GAS2: variants seen among roughly 807,000 people sequenced by gnomAD.
GAS2 encodes the protein growth arrest-specific protein 2.
A neutral mutation model predicts 37.5 loss-of-function variants in GAS2; 20 were observed. The observed-to-expected ratio is 0.53, with a 90% CI of 0.37 to 0.77. The LOEUF (loss-of-function observed/expected upper bound fraction) is 0.77. Ranked by LOEUF, GAS2 falls within the 30% of genes least tolerant of loss-of-function variation. The probability of loss-of-function intolerance (pLI) is 0.00; values close to 1 mark genes in which losing one functional copy is unlikely to be tolerated. For synonymous variants in GAS2, 144 were observed against 132.2 expected (o/e 1.09, Z -0.61); for missense variants, 336 against 373.4 (o/e 0.90, Z 0.82).
chr11:22,666,148 C>CT (rs1848981961), upstream of GAS2, among the ~76,000 whole-genome samples: 1 of 152,178 alleles, frequency 6.6e-6, no homozygotes, highest in Admixed American at 6.5e-5. Context: ...ACAATTGTCT[C>CT]TGACATTCAA....
chr11:22,638,353 T>A (rs1462605057), intron 1 of GAS2, among the ~76,000 whole-genome samples: 1 of 151,988 alleles, frequency 6.6e-6, no homozygotes, highest in Non-Finnish European at 1.5e-5. Flanking sequence ...TACAATTTTT[T>A]TTTTTTTTTT....
chr11:22,722,991 T>C (rs998097139), intron 3 of GAS2, among the ~76,000 whole-genome samples: 1 of 151,928 alleles, frequency 6.6e-6, no homozygotes, highest in African/African-American at 2.4e-5. Flanking sequence ...GAAGGTTCTC[T>C]TTTAAATTCT....
At chr11:22,769,894 A>T (rs1854886739) in intron 7 of GAS2, among the ~76,000 whole-genome samples, 1 of 152,210 alleles carries the variant, frequency 6.6e-6, no homozygotes, top group African/African-American at 2.4e-5. Context: ...GAGGGTAAAT[A>T]TTAGGTTGGT....
At position 22,726,364 on chromosome 11, in the gene GAS2, G is replaced by A. The variant is rs1852215730; in HGVS notation, c.340G>A (p.Ala114Thr). The A allele has an allele frequency of 4.3e-6, 7 of 1,612,690 alleles. No individual in the cohort carries two copies. Among genetic ancestry groups the A allele is most frequent in the Admixed American group, 1.7e-5 (1 of 59,784 alleles). Reference sequence around the variant, plus strand: ...CTCCTTTTTTGCCAGAGACAATACAGCAAATTTCTTATCCTGGTGCCGAGA... The same window carrying A: ...CTCCTTTTTTGCCAGAGACAATACAACAAATTTCTTATCCTGGTGCCGAGA... ...SGSFFARDNTANFLSWCRDLG... is the reference protein window; with the variant it reads ...SGSFFARDNTTNFLSWCRDLG... The change falls in exon 4 of 8, where the codon GCA (alanine) becomes ACA (threonine). Residue 114 changes from alanine to threonine, a missense_variant. Physicochemically the swap from Ala to Thr is moderately conservative, Grantham distance 58. Transcript: ENST00000454584.
intron 3 of GAS2, among the ~76,000 whole-genome samples, chr11:22,725,643 T>C (rs1852165486): frequency 6.6e-6 from 1 of 152,064 alleles, no homozygotes; most frequent in Admixed American, 6.6e-5. Context: ...CCCAGGTTAG[T>C]CACGAACTCC....
chr11:22,634,056 G>C (rs1369295066), intron 1 of GAS2, among the ~76,000 whole-genome samples: 1 of 152,152 alleles, frequency 6.6e-6, no homozygotes, highest in Non-Finnish European at 1.5e-5. Context: ...CCAAGACTGG[G>C]CAATTTATAA....
intron 7 of GAS2, among the ~76,000 whole-genome samples, chr11:22,769,989 C>A (rs1343338149): frequency 6.6e-6 from 1 of 152,130 alleles, no homozygotes; most frequent in Non-Finnish European, 1.5e-5. Context: ...GTGGTCATAT[C>A]CTTTGCAGGG....
intron 3 of GAS2, among the ~76,000 whole-genome samples, chr11:22,696,836 G>T (rs1850546109): frequency 6.6e-6 from 1 of 151,354 alleles, no homozygotes; most frequent in Non-Finnish European, 1.5e-5. Context: ...GTAGATTCTG[G>T]ATATTAGCCC....
intron 7 of GAS2, among the ~76,000 whole-genome samples, chr11:22,793,042 G>A (rs1032986700): frequency 1.3e-5 from 2 of 152,188 alleles, no homozygotes; most frequent in Non-Finnish European, 2.9e-5. Context: ...GAGAGGCCAA[G>A]GTGGGTGGAT....
chr11:22,645,508 T>A (rs569186681), intron 1 of GAS2, among the ~76,000 whole-genome samples: 16 of 149,942 alleles, frequency 1.1e-4, no homozygotes, highest in South Asian at 8.5e-4. Context: ...GTCTTAAAAA[T>A]ATATATATAT....
chr11:22,687,861 C>T (rs535412815), intron 3 of GAS2, among the ~76,000 whole-genome samples: 22 of 152,302 alleles, frequency 1.4e-4, no homozygotes, highest in African/African-American at 4.8e-4. Context: ...CTTCACATTA[C>T]GAAGTTCCTG....
At chr11:22,687,554 CA>C (rs1850026197) in intron 3 of GAS2, among the ~76,000 whole-genome samples, 1 of 152,094 alleles carries the variant, frequency 6.6e-6, no homozygotes. Flanking sequence ...AGTGACCAAG[CA>C]AGAATTTGAC....
At chr11:22,708,016 A>G (rs1276291585) in intron 3 of GAS2, among the ~76,000 whole-genome samples, 1 of 152,128 alleles carries the variant, frequency 6.6e-6, no homozygotes, top group Non-Finnish European at 1.5e-5. Context: ...TGAGTGTGTC[A>G]ATATTTTATT....
intron 7 of GAS2, among the ~76,000 whole-genome samples, chr11:22,779,657 C>T (rs1225049962): frequency 6.6e-6 from 1 of 151,914 alleles, no homozygotes; most frequent in African/African-American, 2.4e-5. Flanking sequence ...AAGATCGTGC[C>T]ACTGCAGTCC....
intron 1 of GAS2, chr11:22,626,228 G>T (rs184280865): frequency 3.2e-4 from 74 of 229,920 alleles, no homozygotes; most frequent in Non-Finnish European, 5.8e-4. Flanking sequence ...GTGAGGAAAC[G>T]CTCTTAAATG....
chr11:22,653,457 A>T (rs1383747022), intron 1 of GAS2, among the ~76,000 whole-genome samples: 1 of 152,208 alleles, frequency 6.6e-6, no homozygotes, highest in Non-Finnish European at 1.5e-5. Context: ...TAGTGAAAAT[A>T]GCAAATATGT....
intron 7 of GAS2, among the ~76,000 whole-genome samples, chr11:22,777,928 T>G (rs2134465699): frequency 6.6e-6 from 1 of 152,326 alleles, no homozygotes; most frequent in African/African-American, 2.4e-5. Flanking sequence ...TAGGAGGCTA[T>G]TTCAGTTGTT....
rs1485725741 is a variant in GAS2, at chr11:22,684,617, T to G, written c.146-1051T>G. On this transcript the variant is annotated intron_variant, in intron 2 of 7. Coordinates refer to ENST00000454584, the MANE Select transcript of GAS2 (RefSeq NM_001143830.3). ...TTAGAAAGAGTATATAAGAAAGCAGTGCAGTGGCACGATCTCAGCTCACTG... is the reference window on the plus strand; with the variant it reads ...TTAGAAAGAGTATATAAGAAAGCAGGGCAGTGGCACGATCTCAGCTCACTG... Among the ~76,000 whole-genome samples, 4 of 152,194 alleles carry G rather than the reference T, an allele frequency of 2.6e-5. No individual in the cohort carries two copies. In the East Asian group the frequency reaches 7.7e-4, roughly 29 times the overall value.
intron 7 of GAS2, among the ~76,000 whole-genome samples, chr11:22,766,281 G>A (rs1162500191): frequency 6.6e-6 from 1 of 151,114 alleles, no homozygotes; most frequent in South Asian, 2.1e-4. Context: ...TTTGAGGTAG[G>A]CACTGTTGTT....
Sources: gnomAD v4.1 joint callset for allele counts (sites outside exome capture counted in the v4.1 genomes callset) on GRCh38, gnomAD v4.1.1 for gene constraint, MANE v1.5 for transcripts, NCBI Gene and HGNC (gene_info 2026-07-23, HGNC 2026-07-21) for gene names.